NCAM2: variants seen among roughly 807,000 people sequenced by gnomAD.
NCAM2 encodes the protein N-CAM-2.
A neutral mutation model predicts 98.1 loss-of-function variants in NCAM2; 30 were observed. That is an observed-to-expected ratio of 0.31 (90% confidence interval 0.23 to 0.41). NCAM2 has a LOEUF of 0.41. Among genes scored for constraint, NCAM2 ranks in the 10% least tolerant of loss-of-function variants. NCAM2 has a pLI of 1.00. For synonymous variants in NCAM2, 368 were observed against 342.4 expected (o/e 1.07, Z -0.83); for missense variants, 867 against 1,005.8 (o/e 0.86, Z 1.87).
intron 12 of NCAM2, among the ~76,000 whole-genome samples, chr21:21,458,208 G>A (rs955029350): frequency 3.3e-5 from 5 of 152,220 alleles, no homozygotes; most frequent in Non-Finnish European, 7.3e-5. Flanking sequence ...TGGCCCCACT[G>A]GGGCCTGGTC....
intron 1 of NCAM2, among the ~76,000 whole-genome samples, chr21:21,080,432 C>T (rs1039444615): frequency 1.3e-5 from 2 of 151,830 alleles, no homozygotes; most frequent in Non-Finnish European, 2.9e-5. Context: ...GCCTGACCAA[C>T]ATGGAGAAAC....
At chr21:21,492,904 G>T (rs1986948505) in intron 15 of NCAM2, among the ~76,000 whole-genome samples, 1 of 151,826 alleles carries the variant, frequency 6.6e-6, no homozygotes, top group South Asian at 2.1e-4. Context: ...AAGAATCCAT[G>T]AATAACACAC....
intron 6 of NCAM2, among the ~76,000 whole-genome samples, chr21:21,326,331 G>GATTCCTCA (rs2074510509): frequency 6.6e-6 from 1 of 152,150 alleles, no homozygotes; most frequent in Admixed American, 6.5e-5. Context: ...AAGTTATGCA[G>GATTCCTCA]ATTCCTCATT....
chr21:21,321,831 C>G lies in NCAM2; in HGVS notation c.620-2552C>G, dbSNP rs533747776. ...CAAAAAATAACAGGTGCCGTCAAGA[C>G]TTCAGAGAAAAAGGAATGCTTATAC... On this transcript the variant is annotated intron_variant, in intron 5 of 17. Coordinates refer to ENST00000400546, the MANE Select transcript of NCAM2 (RefSeq NM_004540.5). Among the ~76,000 whole-genome samples, 30 of 152,236 alleles carry G rather than the reference C, an allele frequency of 2.0e-4. 1 individual carries two copies. In the South Asian group the frequency reaches 6.0e-3, roughly 31 times the overall value.
At chr21:21,376,495 T>A (rs1268494560) in intron 9 of NCAM2, among the ~76,000 whole-genome samples, 2 of 151,796 alleles carry the variant, frequency 1.3e-5, no homozygotes, top group Non-Finnish European at 2.9e-5. Context: ...TGAGAATGAA[T>A]AAAATATCAA....
At chr21:21,522,268 T>A (rs1989064382) in intron 16 of NCAM2, among the ~76,000 whole-genome samples, 1 of 147,606 alleles carries the variant, frequency 6.8e-6, no homozygotes, top group African/African-American at 2.5e-5. Context: ...TATATTTATA[T>A]ATAAATATGA....
chr21:21,246,987 A>C (rs1257477878), intron 1 of NCAM2, among the ~76,000 whole-genome samples: 1 of 151,134 alleles, frequency 6.6e-6, no homozygotes, highest in African/African-American at 2.4e-5. Flanking sequence ...TTCCCATTGC[A>C]CTGTCTCTGT....
intron 9 of NCAM2, among the ~76,000 whole-genome samples, chr21:21,393,307 G>A (rs752796590): frequency 6.6e-6 from 1 of 152,044 alleles, no homozygotes; most frequent in Non-Finnish European, 1.5e-5. Flanking sequence ...TGGTCTATAT[G>A]TCTGCTCTTG....
At chr21:21,468,535 A>C in intron 13 of NCAM2, 127 bp from the exon 14 acceptor site, 2 of 833,052 alleles carry the variant, frequency 2.4e-6, no homozygotes, top group Non-Finnish European at 3.4e-6. Context: ...CAAAAGGGCA[A>C]TGTCAAATGG....
At chr21:21,403,864 A>T (rs560281406) in intron 9 of NCAM2, among the ~76,000 whole-genome samples, 1 of 152,304 alleles carries the variant, frequency 6.6e-6, no homozygotes, top group South Asian at 2.1e-4. Context: ...TAAACAAGTT[A>T]TTGTAGCATT....
chr21:21,483,007 G>T (rs1466290288), intron 15 of NCAM2, among the ~76,000 whole-genome samples: 1 of 151,868 alleles, frequency 6.6e-6, no homozygotes, highest in African/African-American at 2.4e-5. Context: ...TTATTGATTT[G>T]TTCTGTAATC....
At chr21:21,112,913 G>C (rs1178615573) in intron 1 of NCAM2, among the ~76,000 whole-genome samples, 2 of 152,138 alleles carry the variant, frequency 1.3e-5, no homozygotes, top group Non-Finnish European at 2.9e-5. Flanking sequence ...GGTAAGAATG[G>C]GATGTGTTCT....
intron 8 of NCAM2, among the ~76,000 whole-genome samples, chr21:21,358,998 GATA>G (rs547510437): frequency 7.1e-4 from 108 of 152,018 alleles, no homozygotes; most frequent in African/African-American, 2.5e-3. Context: ...AGGTTATTTG[GATA>G]ATGTCTTTAA....
intron 1 of NCAM2, among the ~76,000 whole-genome samples, chr21:21,018,765 A>G (rs1249117287): frequency 6.6e-6 from 1 of 152,234 alleles, no homozygotes; most frequent in East Asian, 1.9e-4. Flanking sequence ...ATTTGCAGCA[A>G]AATAAGAATG....
chr21:21,238,879 G>T (rs1601732191), intron 1 of NCAM2, among the ~76,000 whole-genome samples: 2 of 152,212 alleles, frequency 1.3e-5, no homozygotes, highest in Middle Eastern at 6.8e-3. Flanking sequence ...ACTGATGAAG[G>T]CTTCAATCAC....
intron 1 of NCAM2, among the ~76,000 whole-genome samples, chr21:21,001,198 CTAACT>C (rs1235666096): frequency 6.6e-6 from 1 of 152,178 alleles, no homozygotes; most frequent in Non-Finnish European, 1.5e-5. Context: ...GAGAAACTGA[CTAACT>C]TAAGTGAATG....
intron 1 of NCAM2, among the ~76,000 whole-genome samples, chr21:21,122,039 G>C (rs954128542): frequency 6.6e-6 from 1 of 152,134 alleles, no homozygotes. Context: ...TTGGACTGCT[G>C]GTTTTAGAGA....
At chr21:21,065,701 G>A (rs776729595) in intron 1 of NCAM2, among the ~76,000 whole-genome samples, 7 of 152,160 alleles carry the variant, frequency 4.6e-5, no homozygotes, top group African/African-American at 9.6e-5. Context: ...TTTAAAATTC[G>A]TTGAGTTCTA....
At chr21:21,159,193 G>A (rs2067704609) in intron 1 of NCAM2, among the ~76,000 whole-genome samples, 1 of 152,018 alleles carries the variant, frequency 6.6e-6, no homozygotes, top group Admixed American at 6.6e-5. Context: ...TCATATAGCT[G>A]TATAATATGT....
Sources: gnomAD v4.1 joint callset for allele counts (sites outside exome capture counted in the v4.1 genomes callset) on GRCh38, gnomAD v4.1.1 for gene constraint, MANE v1.5 for transcripts, NCBI Gene and HGNC (gene_info 2026-07-23, HGNC 2026-07-21) for gene names.